The following ZNF469 variants were observed in gnomAD, a reference collection of about 807,000 sequenced individuals.
The protein encoded by ZNF469 is zinc finger protein 469.
Under a neutral mutation model 1.0 loss-of-function variants are expected in ZNF469, and 1 was observed. The ratio of observed to expected loss-of-function variants is 1.00; its 90% CI spans 0.35 to 4.73. The LOEUF is 4.73. ZNF469 is among the 30% of genes most tolerant of loss of function. The probability of loss-of-function intolerance (pLI) is 0.16; values close to 1 mark genes in which losing one functional copy is unlikely to be tolerated. For missense variants in ZNF469, 6,100 were observed against 5,356.3 expected, an observed-to-expected ratio of 1.14 and a Z score of -4.33; for synonymous variants, 2,703 against 2,363.4, an observed-to-expected ratio of 1.14 and a Z score of -4.17.
chr16:88,307,823 A>G, the ZNF469 span, among the ~76,000 whole-genome samples: 4 of 152,350 alleles, frequency 2.6e-5, no homozygotes, highest in East Asian at 5.8e-4. Flanking sequence ...TATTATTTGC[A>G]GCACAAAAGT....
the ZNF469 span, among the ~76,000 whole-genome samples, chr16:88,140,090 A>C: frequency 6.6e-6 from 1 of 152,246 alleles, no homozygotes; most frequent in African/African-American, 2.4e-5. Flanking sequence ...CAGGAAATAC[A>C]TGTGTTTATC....
chr16:88,251,538 CTTTTTTTTTTTTTTTTTTTTTTTTTT>C, the ZNF469 span, among the ~76,000 whole-genome samples: 369 of 51,302 alleles, frequency 7.2e-3, 1 homozygote, highest in Non-Finnish European at 9.8e-3. Context: ...TCCCTGCTGT[CTTTTTTTTTTTTTTTTTTTTTTTTTT>C]TTTTTTTTTT....
chr16:88,119,313 G>A, the ZNF469 span, among the ~76,000 whole-genome samples: 26 of 152,158 alleles, frequency 1.7e-4, no homozygotes, highest in African/African-American at 5.8e-4. Flanking sequence ...CTTCATCCCC[G>A]CACTCTTCCT....
the ZNF469 span, among the ~76,000 whole-genome samples, chr16:88,295,918 C>A: frequency 1.3e-5 from 2 of 152,212 alleles, no homozygotes; most frequent in African/African-American, 4.8e-5. Context: ...ATATGGAAGG[C>A]AGCTGGCACC....
the ZNF469 span, among the ~76,000 whole-genome samples, chr16:88,120,053 C>T: frequency 3.9e-5 from 6 of 152,192 alleles, no homozygotes; most frequent in Non-Finnish European, 7.3e-5. Context: ...CCCCCAAGTC[C>T]GCCTGGGAGG....
At chr16:88,154,063 C>G in the ZNF469 span, among the ~76,000 whole-genome samples, 1 of 152,366 alleles carries the variant, frequency 6.6e-6, no homozygotes, top group African/African-American at 2.4e-5. Context: ...GTGTTTCCAG[C>G]TTCTCCGGTC....
chr16:88,338,676 G>A, the ZNF469 span, among the ~76,000 whole-genome samples: 1 of 152,192 alleles, frequency 6.6e-6, no homozygotes, highest in Non-Finnish European at 1.5e-5. Flanking sequence ...GCCTTTGCAG[G>A]TGCAATTAGT....
At position 88,430,855 on chromosome 16, in the gene ZNF469, G is replaced by C; in HGVS notation, c.3385G>C (p.Gly1129Arg). The C allele has an allele frequency of 6.5e-7, 1 of 1,536,620 alleles. No individual in the cohort carries two copies. The highest frequency in any genetic ancestry group is 8.7e-7 in the Non-Finnish European group (1 of 1,146,132). The change falls in exon 3 of 3, where the codon GGT becomes CGT. Residue 1129 changes from glycine to arginine, a missense_variant. By Grantham distance (125) the Gly-to-Arg change is moderately radical (BLOSUM62 -2). Coordinates refer to ENST00000565624, the MANE Select transcript of ZNF469 (RefSeq NM_001367624.2). ...GAGGAAGGAAGTGGAGCTGACCCAG[G>C]GTCCCAGAGAGGATGAGCCACAGAA... ...EKRKEVELTQ[G>R]PREDEPQKPR...
At chr16:88,365,455 G>A in the ZNF469 span, among the ~76,000 whole-genome samples, 5 of 152,198 alleles carry the variant, frequency 3.3e-5, no homozygotes, top group African/African-American at 1.2e-4. Flanking sequence ...AAGGGGCCAA[G>A]CACCCATCTG....
At chr16:88,380,569 GC>G (rs1736516905), upstream of ZNF469, among the ~76,000 whole-genome samples, 1 of 97,432 alleles carries the variant, frequency 1.0e-5, no homozygotes, top group African/African-American at 4.0e-5. Context: ...ACACACAGAC[GC>G]CCTCACACAG....
chr16:88,439,232 C>T lies in ZNF469; in HGVS notation c.11762C>T (p.Thr3921Ile). ...GGTGCTGAACCTGCCGAGCCACACA[C>T]CCACCGGACGGCCGAGGCCCAGAGT... The part of the protein sequence containing the change: ...VHGAEPAEPH[T>I]HRTAEAQSDL... The change falls in exon 3 of 3, where the codon ACC becomes ATC. Residue 3921 changes from threonine to isoleucine, a missense_variant. By Grantham distance (89) the Thr-to-Ile change is moderately conservative. Transcript: ENST00000565624. 1.3e-6 allele frequency: 2 copies of T among 1,550,452 alleles called. No individual in the cohort carries two copies. Among genetic ancestry groups the T allele is most frequent in the Non-Finnish European group, 1.7e-6 (2 of 1,146,948 alleles).
At chr16:88,314,106 A>C in the ZNF469 span, among the ~76,000 whole-genome samples, 1 of 135,084 alleles carries the variant, frequency 7.4e-6, no homozygotes, top group Non-Finnish European at 1.6e-5. Flanking sequence ...GCTGCTGTGG[A>C]CTGTCATCTC....
chr16:88,429,096 C>T lies in ZNF469; in HGVS notation c.1626C>T (p.Gly542=), dbSNP rs1221393305. Residue 542 remains glycine, a synonymous_variant, in exon 3 of 3, where the codon GGC becomes GGT. Transcript: ENST00000565624. ...EKLPAVRSSQ[G]GSPALFTYNG... ...TGCCAGCCGTGAGAAGCAGCCAGGG[C>T]GGCTCCCCAGCACTGTTCACCTACA... 1.3e-5 allele frequency: 20 copies of T among 1,549,878 alleles called. No homozygotes were observed. Among genetic ancestry groups the T allele is most frequent in the African/African-American group, 1.4e-5 (1 of 73,024 alleles).
At chr16:88,261,499 G>A in the ZNF469 span, among the ~76,000 whole-genome samples, 1 of 152,216 alleles carries the variant, frequency 6.6e-6, no homozygotes, top group Non-Finnish European at 1.5e-5. This position sits in a 1 kb window ranked among gnomAD's most constrained non-coding sequence, Gnocchi z 6.0. Flanking sequence ...ACCCAGTTCT[G>A]CTGACGGATG....
At chr16:88,246,311 G>A in the ZNF469 span, among the ~76,000 whole-genome samples, 21 of 152,356 alleles carry the variant, frequency 1.4e-4, no homozygotes, top group Non-Finnish European at 2.6e-4. Flanking sequence ...TCAGGTACCA[G>A]TTCCATCTTC....
chr16:88,152,130 C>T, the ZNF469 span, among the ~76,000 whole-genome samples: 1 of 152,136 alleles, frequency 6.6e-6, no homozygotes, highest in East Asian at 1.9e-4. This position sits in a 1 kb window ranked among gnomAD's most constrained non-coding sequence, Gnocchi z 4.2. Flanking sequence ...TGGAGGAGGG[C>T]AGGCGTCTCA....
the ZNF469 span, among the ~76,000 whole-genome samples, chr16:88,163,508 GGATGGATGGAT>G: frequency 1.4e-4 from 17 of 120,184 alleles, no homozygotes; most frequent in African/African-American, 6.6e-4. Flanking sequence ...ATGGATGGAT[GGATGGATGGAT>G]GGATGGATGG....
chr16:88,111,846 A>T, the ZNF469 span, among the ~76,000 whole-genome samples: 3 of 152,180 alleles, frequency 2.0e-5, no homozygotes, highest in African/African-American at 4.8e-5. Context: ...CATGTTGGCC[A>T]GGCTGGTCTC....
chr16:88,247,512 GTGAGTGAGTGAA>G, the ZNF469 span, among the ~76,000 whole-genome samples: 2 of 138,586 alleles, frequency 1.4e-5, no homozygotes, highest in Non-Finnish European at 3.3e-5. Flanking sequence ...GAGGGAATGA[GTGAGTGAGTGAA>G]TGAGTGAGTG....
Sources: allele counts gnomAD v4.1 joint callset (sites outside exome capture counted in the v4.1 genomes callset), GRCh38; gene constraint gnomAD v4.1.1; non-coding constraint Gnocchi (gnomAD v3.1); transcripts MANE v1.5; gene names NCBI Gene and HGNC (gene_info 2026-07-23, HGNC 2026-07-21).